Variants in ALOX12B observed in about 807,000 individuals in gnomAD.
The protein encoded by ALOX12B is arachidonate 12-lipoxygenase, 12R type, also known as arachidonate 12-lipoxygenase, 12R-type.
Under a neutral mutation model 78.9 loss-of-function variants are expected in ALOX12B, and 47 were observed. The observed-to-expected ratio is 0.60, with a 90% CI of 0.47 to 0.76. ALOX12B has a LOEUF of 0.76. ALOX12B is among the 30% of genes least tolerant of loss of function. ALOX12B has a pLI of 0.00. For missense variants in ALOX12B, 805 were observed against 922.6 expected (o/e 0.87, Z 1.65); for synonymous variants, 370 against 374.5 (o/e 0.99, Z 0.14).
At chr17:8,083,536 C>T (rs1028033300) in intron 2 of ALOX12B, among the ~76,000 whole-genome samples, 1 of 151,898 alleles carries the variant, frequency 6.6e-6, no homozygotes, top group African/African-American at 2.4e-5. Context: ...CAAGACCAGC[C>T]TGACCAACAT....
At chr17:8,081,974 G>A (rs1287888643) in intron 2 of ALOX12B, among the ~76,000 whole-genome samples, 2 of 152,160 alleles carry the variant, frequency 1.3e-5, no homozygotes, top group African/African-American at 4.8e-5. Context: ...ACCCATTTAT[G>A]GGTGAGAACA....
chr17:8,080,389 G>A lies in ALOX12B; in HGVS notation c.651-51C>T, dbSNP rs376371766. 11 of 1,597,736 alleles carry A rather than the reference G, an allele frequency of 6.9e-6. No individual in the cohort carries two copies. The highest frequency in any genetic ancestry group is 1.3e-5 in the African/African-American group (1 of 74,580). On this transcript the variant is annotated intron_variant, in intron 5 of 14. Transcript: ENST00000647874. This position sits in a 1 kb window ranked among gnomAD's most constrained non-coding sequence, Gnocchi z 4.8. ...GCCTTCAGAGGGGCTGCCAAGCGCC[G>A]GCTGGGGCAGGTGGCGGGGCCGCCC...
rs1018571758 is a variant in ALOX12B at position 8,085,916 on chromosome 17, C to A, written c.352+100G>T. On this transcript the variant is annotated intron_variant, in intron 2 of 14. Coordinates refer to ENST00000647874, the MANE Select transcript of ALOX12B (RefSeq NM_001139.3). The stretch of plus-strand genomic sequence containing the variant: ...CCAGGAGTCCCTGGTGGGGCTGGGC[C>A]CCCCTCTGGCTTGATGGGAGCCTGG... The A allele has an allele frequency of 4.3e-6, 6 of 1,411,402 alleles. No individual in the cohort carries two copies. The South Asian group carries it at 5.8e-5, about 14-fold the overall frequency. The allele number at this position is 1,411,402 out of a possible 1,614,324, so 87.4% of individuals were successfully genotyped here.
At position 8,073,128 on chromosome 17, in the gene ALOX12B, T is replaced by G. The variant is rs1977015494; in HGVS notation, c.1926+20A>C. 6.2e-7 allele frequency: 1 copy of G among 1,613,602 alleles called. No homozygotes were observed. Among genetic ancestry groups the G allele is most frequent in the African/African-American group, 1.3e-5 (1 of 74,900 alleles). On this transcript the variant is annotated intron_variant, in intron 14 of 14. Transcript: ENST00000647874. ...TCTGGTCCCCTCCCTGTGCTCAGAG[T>G]CCCCCATCCCGTCTCGCACCCTGTC...
chr17:8,077,250 GC>G (rs1176902229), intron 8 of ALOX12B, 57 bp from the exon 9 acceptor site: 2 of 1,520,502 alleles, frequency 1.3e-6, no homozygotes, highest in African/African-American at 1.4e-5. Flanking sequence ...ACACATAAAG[GC>G]CCCACCGCAG....
intron 12 of ALOX12B, 112 bp downstream of exon 12, chr17:8,075,483 A>G: frequency 6.4e-6 from 10 of 1,556,244 alleles, no homozygotes; most frequent in South Asian, 2.2e-5. Flanking sequence ...GGTCTCCTTC[A>G]GTCTACAATA....
rs1342094162 is a variant in ALOX12B at position 8,079,028 on chromosome 17, G to C, written c.1071+368C>G. On this transcript the variant is annotated intron_variant, in intron 8 of 14. Transcript: ENST00000647874. The surrounding 1 kb of genome is among the most constrained non-coding windows in gnomAD (Gnocchi z 6.4). ...TTTTCCTGCCTCAGCCTCCCGAGTA[G>C]CTGGGACTACAGGCGCCCGCCACCA... 6.6e-6 allele frequency among the ~76,000 whole-genome samples: 1 copy of C among 151,748 alleles called. No homozygotes were observed. Among genetic ancestry groups the C allele is most frequent in the African/African-American group, 2.4e-5 (1 of 41,258 alleles).
chr17:8,084,153 C>CAA (rs34321774), intron 2 of ALOX12B, among the ~76,000 whole-genome samples: 320 of 149,614 alleles, frequency 2.1e-3, no homozygotes, highest in Non-Finnish European at 3.3e-3. Flanking sequence ...GACTCCATCT[C>CAA]AAAAAAAAAA....
chr17:8,084,253 G>C (rs1334978444), intron 2 of ALOX12B, among the ~76,000 whole-genome samples: 8 of 152,180 alleles, frequency 5.3e-5, no homozygotes, highest in African/African-American at 1.9e-4. Flanking sequence ...CTGGCTGGTG[G>C]TCCCCAGGCT....
chr17:8,085,087 G>A (rs1978292679), intron 2 of ALOX12B, among the ~76,000 whole-genome samples: 1 of 152,330 alleles, frequency 6.6e-6, no homozygotes, highest in South Asian at 2.1e-4. Context: ...ACTGGATTAA[G>A]GGGGGCCTTT....
chr17:8,077,646 G>A (rs1325894431), intron 8 of ALOX12B, among the ~76,000 whole-genome samples: 3 of 152,226 alleles, frequency 2.0e-5, no homozygotes, highest in African/African-American at 7.2e-5. Flanking sequence ...CCCAGAGGGA[G>A]CCTCTTTCTA....
chr17:8,076,949 G>T, intron 9 of ALOX12B, 41 bp downstream of exon 9: 1 of 1,594,926 alleles, frequency 6.3e-7, no homozygotes, highest in Non-Finnish European at 8.6e-7. Flanking sequence ...CCAGGTGAGG[G>T]CCATGATGCC....
chr17:8,079,861 G>T lies in ALOX12B; in HGVS notation c.835C>A (p.Arg279Ser), dbSNP rs1184661647. The part of the protein sequence containing the change: ...LNGVNPGLIR[R>S]CTRIPDKFPV... Reference sequence around the variant, plus strand: ...AACTTGTCTGGGATCCGCGTGCAGCGGCGGATCAGGCCGGGGTTGACGCCG... The same window carrying T: ...AACTTGTCTGGGATCCGCGTGCAGCTGCGGATCAGGCCGGGGTTGACGCCG... The change falls in exon 7 of 15, where the codon CGC (arginine) becomes AGC (serine). Residue 279 changes from arginine to serine, a missense_variant. Arg to Ser is a moderately radical substitution (Grantham distance 110). Coordinates refer to ENST00000647874, the MANE Select transcript of ALOX12B (RefSeq NM_001139.3). The surrounding 1 kb of genome is among the most constrained non-coding windows in gnomAD (Gnocchi z 6.4). 6.2e-7 allele frequency: 1 copy of T among 1,613,528 alleles called. No individual in the cohort carries two copies. Among genetic ancestry groups the T allele is most frequent in the East Asian group, 2.2e-5 (1 of 44,866 alleles).
At chr17:8,076,910 T>A in intron 9 of ALOX12B, 80 bp downstream of exon 9, 3 of 1,502,626 alleles carry the variant, frequency 2.0e-6, no homozygotes, top group Non-Finnish European at 2.7e-6. Flanking sequence ...TCTCTCTGAC[T>A]GCTCAGTGGG....
chr17:8,081,941 C>G (rs1267999486), intron 2 of ALOX12B, among the ~76,000 whole-genome samples: 1 of 152,044 alleles, frequency 6.6e-6, no homozygotes, highest in African/African-American at 2.4e-5. Flanking sequence ...CCACACCTGG[C>G]CCATGTGTAC....
rs1977196915 is a variant in ALOX12B, at chr17:8,080,686, C to T, written c.622G>A (p.Ala208Thr). ...GGCCCCAGGCGGACGAAGAAGGAGG[C>T]CGTCTTGAGGAAGGAGTAGCGGAGA... ...LNLRYSFLKT[A>T]SFFVRLGPMA... Residue 208 changes from alanine to threonine, a missense_variant, in exon 5 of 15, where the codon GCC becomes ACC. Ala to Thr is a moderately conservative substitution (Grantham distance 58). Transcript: ENST00000647874. This position sits in a 1 kb window ranked among gnomAD's most constrained non-coding sequence, Gnocchi z 4.8. 1.9e-6 allele frequency: 3 copies of T among 1,614,008 alleles called. No individual in the cohort carries two copies. The African/African-American group carries it at 4.0e-5, about 22-fold the overall frequency.
Position 8,073,292 on chromosome 17 carries a change from G to A in ALOX12B, c.1782C>T (p.Asn594=), listed in dbSNP as rs765413716. The A allele has an allele frequency of 1.9e-6, 3 of 1,614,226 alleles. No individual in the cohort carries two copies. The East Asian group carries it at 6.7e-5, about 36-fold the overall frequency. ...GQMEFTAWMP[N]FPASMRNPPI... ...GTGGATTCCGCATGGACGCTGGGAA[G>A]TTGGGCATCCAGGCGGTGAACTCCA... Residue 594 remains asparagine (N), a synonymous_variant, in exon 14 of 15, where the codon AAC becomes AAT. Transcript: ENST00000647874.
intron 2 of ALOX12B, 50 bp downstream of exon 2, chr17:8,085,966 G>A: frequency 6.2e-7 from 1 of 1,601,700 alleles, no homozygotes; most frequent in Non-Finnish European, 8.5e-7. Context: ...TAGCAGGCTG[G>A]AGCTAGAGGC....
rs1220054227 is a variant in ALOX12B at position 8,080,277 on chromosome 17, C to T, written c.712G>A (p.Asp238Asn). ...TTGCCAGGGAAAATTTTCCTAATGT[C>T]CTTCAGCCTCTTCCACGAATGTTTG... ...DCKHSWKRLK[D>N]IRKIFPGKKS... The change falls in exon 6 of 15, where the codon GAC (aspartate) becomes AAC (asparagine). Residue 238 changes from aspartate (D) to asparagine (N), a missense_variant. Coordinates refer to ENST00000647874, the MANE Select transcript of ALOX12B (RefSeq NM_001139.3). This position sits in a 1 kb window ranked among gnomAD's most constrained non-coding sequence, Gnocchi z 4.8. 4 of 1,614,126 alleles carry T rather than the reference C, an allele frequency of 2.5e-6. No individual in the cohort carries two copies. The highest frequency in any genetic ancestry group is 2.7e-5 in the African/African-American group (2 of 74,944).
Sources: gnomAD v4.1 joint callset for allele counts (sites outside exome capture counted in the v4.1 genomes callset) on GRCh38, gnomAD v4.1.1 for gene constraint, Gnocchi (gnomAD v3.1) non-coding constraint, MANE v1.5 for transcripts, NCBI Gene and HGNC (gene_info 2026-07-23, HGNC 2026-07-21) for gene names.